Variants in RANBP2 observed in about 807,000 individuals in gnomAD.
The protein encoded by RANBP2 is E3 SUMO-protein ligase RanBP2.
RANBP2 carries 57 observed loss-of-function variants against 303.6 expected under a neutral mutation model. The observed-to-expected ratio is 0.19, with a 90% CI of 0.15 to 0.23. The LOEUF (loss-of-function observed/expected upper bound fraction) is 0.23, where lower values mean the gene tolerates loss of function less well. Among genes scored for constraint, RANBP2 ranks in the 10% least tolerant of loss-of-function variants. The probability of loss-of-function intolerance (pLI) is 1.00; values close to 1 mark genes in which losing one functional copy is unlikely to be tolerated. For missense variants in RANBP2, 3,138 were observed against 3,780.8 expected (o/e 0.83, Z 4.46); for synonymous variants, 1,167 against 1,301.5 (o/e 0.90, Z 2.23).
At chr2:108,947,342 T>C in the RANBP2 span, among the ~76,000 whole-genome samples, 4 of 152,160 alleles carry the variant, frequency 2.6e-5, no homozygotes, top group East Asian at 1.9e-4. Flanking sequence ...TCCAAGTGCA[T>C]GGTGCAAGCT....
At chr2:109,086,917 G>A in the RANBP2 span, among the ~76,000 whole-genome samples, 1 of 152,158 alleles carries the variant, frequency 6.6e-6, no homozygotes, top group Non-Finnish European at 1.5e-5. Flanking sequence ...CTACAAATGA[G>A]CTCTTCACAA....
At chr2:109,015,523 C>T in the RANBP2 span, among the ~76,000 whole-genome samples, 4 of 152,174 alleles carry the variant, frequency 2.6e-5, no homozygotes, top group African/African-American at 4.8e-5. Flanking sequence ...TTTGGGAGGC[C>T]GAGGTGGGTG....
chr2:108,728,770 G>A (rs1476718172), intron 1 of RANBP2, among the ~76,000 whole-genome samples: 24 of 152,202 alleles, frequency 1.6e-4, no homozygotes, highest in African/African-American at 4.8e-4. Flanking sequence ...TTAGCCTCCC[G>A]AGTAGCTGGG....
the RANBP2 span, among the ~76,000 whole-genome samples, chr2:109,719,776 C>A: frequency 6.6e-6 from 1 of 152,116 alleles, no homozygotes; most frequent in Non-Finnish European, 1.5e-5. Context: ...TACCTTAGAT[C>A]AACAAGGGGT....
At chr2:108,841,783 A>G in the RANBP2 span, among the ~76,000 whole-genome samples, 1 of 151,812 alleles carries the variant, frequency 6.6e-6, no homozygotes. Flanking sequence ...TTTTTTAACT[A>G]CTGGGTGGTT....
the RANBP2 span, among the ~76,000 whole-genome samples, chr2:109,053,902 C>A: frequency 6.6e-6 from 1 of 152,312 alleles, no homozygotes; most frequent in South Asian, 2.1e-4. Flanking sequence ...GCCCCACCAC[C>A]CCACTGCCAG....
At chr2:108,889,550 C>CTTTTTTTT in the RANBP2 span, among the ~76,000 whole-genome samples, 1 of 147,924 alleles carries the variant, frequency 6.8e-6, no homozygotes, top group Non-Finnish European at 1.5e-5. Flanking sequence ...ACCTTTTTTT[C>CTTTTTTTT]TTTTCTTTTT....
chr2:109,766,511 C>T, the RANBP2 span, among the ~76,000 whole-genome samples: 7 of 150,452 alleles, frequency 4.7e-5, 2 homozygotes, highest in East Asian at 4.0e-4. Context: ...ATCTTGATGA[C>T]GTTGAAGATG....
At chr2:108,943,669 G>A in the RANBP2 span, among the ~76,000 whole-genome samples, 1 of 152,178 alleles carries the variant, frequency 6.6e-6, no homozygotes, top group East Asian at 1.9e-4. Context: ...GTGGCCTGGT[G>A]TGTTGAGTAA....
At chr2:109,422,797 C>A in the RANBP2 span, among the ~76,000 whole-genome samples, 2 of 152,170 alleles carry the variant, frequency 1.3e-5, no homozygotes, top group African/African-American at 4.8e-5. Context: ...ACCTCCACTT[C>A]TTCGTGGGCA....
At chr2:109,433,597 A>C in the RANBP2 span, among the ~76,000 whole-genome samples, 12 of 152,220 alleles carry the variant, frequency 7.9e-5, no homozygotes, top group African/African-American at 2.9e-4. Context: ...TACAGTGGAA[A>C]TAAATAACCT....
the RANBP2 span, among the ~76,000 whole-genome samples, chr2:109,610,418 TA>T: frequency 1.3e-5 from 2 of 150,504 alleles, no homozygotes; most frequent in Non-Finnish European, 3.0e-5. Flanking sequence ...CCTCTTCTAT[TA>T]AAAAAAAGGT....
At chr2:109,317,937 G>A in the RANBP2 span, among the ~76,000 whole-genome samples, 5 of 152,058 alleles carry the variant, frequency 3.3e-5, no homozygotes, top group Non-Finnish European at 7.4e-5. Context: ...GAGGGGACTC[G>A]CACAACTCTG....
At chr2:109,103,014 C>A in the RANBP2 span, among the ~76,000 whole-genome samples, 1 of 152,286 alleles carries the variant, frequency 6.6e-6, no homozygotes, top group East Asian at 1.9e-4. Context: ...CAGGTGGCAG[C>A]AAACAGTGAG....
chr2:109,170,842 C>T, the RANBP2 span, among the ~76,000 whole-genome samples: 4 of 152,192 alleles, frequency 2.6e-5, no homozygotes, highest in Non-Finnish European at 4.4e-5. Flanking sequence ...ACAGAGAGGG[C>T]GCTTTTCTCC....
At chr2:109,558,931 G>C in the RANBP2 span, among the ~76,000 whole-genome samples, 1 of 151,914 alleles carries the variant, frequency 6.6e-6, no homozygotes, top group East Asian at 1.9e-4. Context: ...TGTTGCCCAG[G>C]CTGGAGTGCA....
the RANBP2 span, among the ~76,000 whole-genome samples, chr2:109,258,916 G>T: frequency 6.6e-6 from 1 of 152,176 alleles, no homozygotes; most frequent in Non-Finnish European, 1.5e-5. Flanking sequence ...AGCTCGAGCT[G>T]CAGAGAGACC....
At chr2:109,233,532 A>T in the RANBP2 span, among the ~76,000 whole-genome samples, 1 of 152,156 alleles carries the variant, frequency 6.6e-6, no homozygotes, top group African/African-American at 2.4e-5. Context: ...GTGGTTTTGG[A>T]AAAAGCAACA....
the RANBP2 span, among the ~76,000 whole-genome samples, chr2:109,394,725 C>T: frequency 6.6e-6 from 1 of 152,218 alleles, no homozygotes; most frequent in Non-Finnish European, 1.5e-5. Context: ...CAGATAGAGC[C>T]ACTGGAGTCC....
Sources: allele counts gnomAD v4.1 joint callset (sites outside exome capture counted in the v4.1 genomes callset), GRCh38; gene constraint gnomAD v4.1.1; transcripts MANE v1.5; gene names NCBI Gene and HGNC (gene_info 2026-07-23, HGNC 2026-07-21).